Variants in PAPPA observed in about 807,000 individuals in gnomAD.
PAPPA encodes pappalysin 1, also known as pappalysin-1.
PAPPA carries 60 observed loss-of-function variants against 164.0 expected under a neutral mutation model. The observed-to-expected ratio is 0.37, with a 90% CI of 0.30 to 0.45. The LOEUF (loss-of-function observed/expected upper bound fraction) is 0.45, where lower values mean the gene tolerates loss of function less well. Ranked by LOEUF, PAPPA falls within the 20% of genes least tolerant of loss-of-function variation. The pLI is 1.00. For missense variants in PAPPA, 1,782 were observed against 2,087.3 expected (o/e 0.85, Z 2.85); for synonymous variants, 875 against 814.1 (o/e 1.07, Z -1.27).
At chr9:116,346,920 C>A in intron 14 of PAPPA, 106 bp from the exon 15 acceptor site, 1 of 810,854 alleles carries the variant, frequency 1.2e-6, no homozygotes, top group Non-Finnish European at 1.9e-6. Context: ...CATTGGTCTC[C>A]TAGTGCCTGG....
In PAPPA at chr9:116,334,888, A is replaced by G. The variant is rs746553689; in HGVS notation, c.3425A>G (p.Asn1142Ser). The G allele has an allele frequency of 6.8e-6, 11 of 1,613,544 alleles. No homozygotes were observed. The highest frequency in any genetic ancestry group is 1.1e-5 in the South Asian group (1 of 91,064). The change falls in exon 13 of 22, where the codon AAT (asparagine) becomes AGT (serine). Residue 1142 changes from asparagine to serine, a missense_variant. Around this residue, in one of 2 missense-constraint regions of PAPPA, gnomAD observed 1,324 missense variants for 1,656.9 expected, o/e 0.80. Transcript: ENST00000328252. ...LGLHVLSCRN[N>S]PLIIPVVHDL... ...CTCCATGTCCTGAGCTGCAGGAACA[A>G]TCCCCTGATTATCCCTGTGGTCCAT...
chr9:116,220,047 C>T lies in PAPPA; in HGVS notation c.2029C>T (p.Leu677Phe). 6.2e-7 allele frequency: 1 copy of T among 1,614,106 alleles called. No homozygotes were observed. Among genetic ancestry groups the T allele is most frequent in the Non-Finnish European group, 8.5e-7 (1 of 1,180,028 alleles). Reference sequence around the variant, plus strand: ...CTCCAGGAAACCAGCGCCTGTTGCCCTCGCCCCCCAAGTTCTGGGCCACAC... The same window carrying T: ...CTCCAGGAAACCAGCGCCTGTTGCCTTCGCCCCCCAAGTTCTGGGCCACAC... The part of the protein sequence containing the change: ...QPSRKPAPVA[L>F]APQVLGHTTD... Residue 677 changes from leucine to phenylalanine, a missense_variant, in exon 5 of 22, where the codon CTC (leucine) becomes TTC (phenylalanine). Coordinates refer to ENST00000328252, the MANE Select transcript of PAPPA (RefSeq NM_002581.5).
intron 9 of PAPPA, among the ~76,000 whole-genome samples, chr9:116,294,998 A>T (rs1174089135): frequency 1.3e-5 from 2 of 152,166 alleles, no homozygotes; most frequent in Non-Finnish European, 2.9e-5. Context: ...AAGAGTGCAC[A>T]TTCAAAATCT....
rs1203185557 is a variant in PAPPA, at chr9:116,328,391, T to C, written c.3148-2853T>C. Among the ~76,000 whole-genome samples the C allele has an allele frequency of 2.0e-5, 3 of 152,352 alleles. No individual in the cohort carries two copies. In the East Asian group the frequency reaches 5.8e-4, roughly 29 times the overall value. The stretch of plus-strand genomic sequence containing the variant: ...AAAAACGTCTTCCAGCCCATTTAAG[T>C]GGCTATGTTCTACCCTTAGCCTCCT... On this transcript the variant is annotated intron_variant, in intron 10 of 21. Coordinates refer to ENST00000328252, the MANE Select transcript of PAPPA (RefSeq NM_002581.5).
chr9:116,182,359 G>C (rs1219340938), intron 1 of PAPPA, among the ~76,000 whole-genome samples: 1 of 152,168 alleles, frequency 6.6e-6, no homozygotes, highest in Non-Finnish European at 1.5e-5. Context: ...TTTTGGGTTG[G>C]ATGTTAGGTA....
intron 10 of PAPPA, among the ~76,000 whole-genome samples, chr9:116,306,709 T>C (rs928142264): frequency 9.2e-5 from 14 of 152,232 alleles, no homozygotes; most frequent in Non-Finnish European, 1.3e-4. Context: ...TCTTGTATTG[T>C]TCTTATTTGG....
chr9:116,281,142 A>G (rs1490611934), intron 9 of PAPPA, among the ~76,000 whole-genome samples: 4 of 152,224 alleles, frequency 2.6e-5, no homozygotes, highest in Admixed American at 2.0e-4. Context: ...TAGGGTGTGC[A>G]TAGGTCATAT....
intron 7 of PAPPA, among the ~76,000 whole-genome samples, chr9:116,238,105 C>T (rs148428341): frequency 3.9e-5 from 6 of 152,018 alleles, no homozygotes; most frequent in African/African-American, 9.7e-5. Flanking sequence ...TCCACTCTCC[C>T]CCGAGATATT....
intron 7 of PAPPA, among the ~76,000 whole-genome samples, chr9:116,258,951 T>A (rs1038002823): frequency 6.6e-6 from 1 of 151,864 alleles, no homozygotes; most frequent in Non-Finnish European, 1.5e-5. Context: ...CTGGCCAACA[T>A]GGTAAAACCC....
chr9:116,297,411 T>A (rs1390560680), intron 9 of PAPPA, among the ~76,000 whole-genome samples: 1 of 152,202 alleles, frequency 6.6e-6, no homozygotes, highest in Non-Finnish European at 1.5e-5. Flanking sequence ...GTGAAAATTA[T>A]CCCTAATATC....
rs16933485 is a variant in PAPPA at position 116,393,015 on chromosome 9, G to A, written c.4777-3494G>A. ...GTTTCCTCCAGTGTTTATTTCGGAA[G>A]TGCTGAAACTGCCCAGACTGGCCTG... On this transcript the variant is annotated intron_variant, in intron 21 of 21. Transcript: ENST00000328252. Among the ~76,000 whole-genome samples the A allele has an allele frequency of 7.3e-3, 1,110 of 152,248 alleles. 17 individuals carry two copies. The highest frequency in any genetic ancestry group is 0.025 in the African/African-American group (1,027 of 41,536).
At chr9:116,215,175 T>G (rs765168081) in intron 4 of PAPPA, among the ~76,000 whole-genome samples, 1 of 152,100 alleles carries the variant, frequency 6.6e-6, no homozygotes, top group Non-Finnish European at 1.5e-5. Context: ...AGCATGAAAT[T>G]TGGAGTGAGG....
In PAPPA at chr9:116,154,227, T is replaced by C; in HGVS notation, c.55T>C (p.Cys19Arg). Residue 19 changes from cysteine to arginine, a missense_variant, in exon 1 of 22, where the codon TGC becomes CGC. Around this residue, in one of 2 missense-constraint regions of PAPPA, gnomAD observed 458 missense variants for 430.3 expected, o/e 1.06. Coordinates refer to ENST00000328252, the MANE Select transcript of PAPPA (RefSeq NM_002581.5). The surrounding 1 kb of genome is among the most constrained non-coding windows in gnomAD (Gnocchi z 5.2). ...GGGGCTGCTGAGCGCCGCGCTGGGCTGCGGGCTGGCCGAGCGTCCCCGCCG... is the reference window on the plus strand; with the variant it reads ...GGGGCTGCTGAGCGCCGCGCTGGGCCGCGGGCTGGCCGAGCGTCCCCGCCG... Reference protein sequence around the residue: ...HLGLLSAALGCGLAERPRRAR... With the variant: ...HLGLLSAALGRGLAERPRRAR... 6.9e-7 allele frequency: 1 copy of C among 1,443,028 alleles called. No individual in the cohort carries two copies. The highest frequency in any genetic ancestry group is 9.1e-7 in the Non-Finnish European group (1 of 1,094,752). 89.4% of individuals were successfully genotyped at this position (1,443,028 alleles called of 1,614,324 possible).
intron 9 of PAPPA, chr9:116,288,606 G>A (rs1845374161): frequency 6.6e-6 from 1 of 151,948 alleles, no homozygotes; most frequent in South Asian, 2.1e-4. Context: ...ATAGATTTAA[G>A]TTATTATAGT....
chr9:116,269,289 C>G (rs1376499317), intron 8 of PAPPA, among the ~76,000 whole-genome samples: 1 of 152,078 alleles, frequency 6.6e-6, no homozygotes, highest in East Asian at 1.9e-4. Flanking sequence ...GATGTAGAAC[C>G]AATACATGAA....
At chr9:116,306,374 A>T (rs1038529807) in intron 10 of PAPPA, among the ~76,000 whole-genome samples, 2 of 152,218 alleles carry the variant, frequency 1.3e-5, no homozygotes, top group East Asian at 3.8e-4. Context: ...ATGTTGTAAA[A>T]GCCTGCCATA....
At chr9:116,289,172 TAGCATATATGTAGC>T (rs1426369750) in intron 9 of PAPPA, among the ~76,000 whole-genome samples, 23 of 32,426 alleles carry the variant, frequency 7.1e-4, no homozygotes, top group African/African-American at 2.1e-3. Context: ...CATATATATA[TAGCATATATGTAGC>T]ATATATATAG....
intron 21 of PAPPA, among the ~76,000 whole-genome samples, chr9:116,391,934 G>A (rs1016479688): frequency 3.9e-5 from 6 of 152,182 alleles, no homozygotes; most frequent in African/African-American, 1.4e-4. Context: ...TTATCAAGAT[G>A]TGATTCTTCT....
intron 10 of PAPPA, among the ~76,000 whole-genome samples, chr9:116,325,129 G>C (rs1235786745): frequency 6.6e-6 from 1 of 152,150 alleles, no homozygotes; most frequent in African/African-American, 2.4e-5. Context: ...AGTCCAAGTA[G>C]CAATTGTGTT....
Sources: gnomAD v4.1 joint callset for allele counts (sites outside exome capture counted in the v4.1 genomes callset) on GRCh38, gnomAD v4.1.1 for gene constraint, gnomAD v4.1.1 regional missense constraint, Gnocchi (gnomAD v3.1) non-coding constraint, MANE v1.5 for transcripts, NCBI Gene and HGNC (gene_info 2026-07-23, HGNC 2026-07-21) for gene names.